The following ALDH9A1 variants were observed in gnomAD, a reference collection of about 807,000 sequenced individuals.
ALDH9A1 encodes the protein 4-trimethylaminobutyraldehyde dehydrogenase.
A neutral mutation model predicts 56.6 loss-of-function variants in ALDH9A1; 42 were observed. The ratio of observed to expected loss-of-function variants is 0.74; its 90% confidence interval spans 0.58 to 0.96. ALDH9A1 has a LOEUF of 0.96. Ranked by LOEUF, ALDH9A1 falls within the 40% of genes least tolerant of loss-of-function variation. The pLI, the probability that ALDH9A1 is intolerant of heterozygous loss-of-function variation, is 0.00. For missense variants in ALDH9A1, 661 were observed against 651.5 expected, an observed-to-expected ratio of 1.01 and a Z score of -0.16; for synonymous variants, 242 against 236.0, an observed-to-expected ratio of 1.03 and a Z score of -0.23.
At chr1:165,690,971 A>T (rs1210035933) in intron 2 of ALDH9A1, among the ~76,000 whole-genome samples, 2 of 152,236 alleles carry the variant, frequency 1.3e-5, no homozygotes, top group Admixed American at 6.5e-5. Flanking sequence ...AAACTTCTGC[A>T]GACTTAAACG....
intron 1 of ALDH9A1, 166 bp downstream of exon 1, chr1:165,698,212 G>A (rs1296331566): frequency 7.3e-7 from 1 of 1,366,162 alleles, no homozygotes; most frequent in East Asian, 3.0e-5. Flanking sequence ...GGAGGCACTC[G>A]CGTTGCCCCA....
chr1:165,675,808 A>AGGCC (rs1649338293), intron 6 of ALDH9A1, among the ~76,000 whole-genome samples: 2 of 152,244 alleles, frequency 1.3e-5, no homozygotes, highest in African/African-American at 4.8e-5. Context: ...GTAACTTTTG[A>AGGCC]ACACAGTATT....
At chr1:165,678,982 C>T (rs997016838) in intron 6 of ALDH9A1, among the ~76,000 whole-genome samples, 2 of 152,126 alleles carry the variant, frequency 1.3e-5, no homozygotes, top group African/African-American at 4.8e-5. Context: ...GAAAAAAAAC[C>T]ATTTTTGTTC....
chr1:165,667,401 A>G lies in ALDH9A1; in HGVS notation c.1257T>C (p.Pro419=), dbSNP rs1161454833. ...TGTCAAATGATAAAATGGACATAAC[A>G]GGCCCAAAGATCTCTTCCTTCACAC... ...MTCVKEEIFG[P]VMSILSFDTE... The change falls in exon 9 of 11, where the codon CCT becomes CCC. Residue 419 remains proline (P), a synonymous_variant. Coordinates refer to ENST00000354775, the MANE Select transcript of ALDH9A1 (RefSeq NM_000696.4). 1 of 1,614,012 alleles carries G rather than the reference A, an allele frequency of 6.2e-7. No individual in the cohort carries two copies. The highest frequency in any genetic ancestry group is 8.5e-7 in the Non-Finnish European group (1 of 1,180,008).
chr1:165,672,410 A>T (rs1649206016), intron 6 of ALDH9A1, among the ~76,000 whole-genome samples: 1 of 152,228 alleles, frequency 6.6e-6, no homozygotes, highest in Admixed American at 6.5e-5. Context: ...CAGACATAAA[A>T]TAATAAATAT....
chr1:165,678,104 C>T (rs11807866), intron 6 of ALDH9A1, among the ~76,000 whole-genome samples: 13,427 of 151,826 alleles, frequency 0.088, 659 homozygotes, highest in African/African-American at 0.15. Context: ...GGGAGGCCAA[C>T]GTGGGTGGAT....
chr1:165,673,178 G>A (rs995755905), intron 6 of ALDH9A1, among the ~76,000 whole-genome samples: 1 of 149,938 alleles, frequency 6.7e-6, no homozygotes. Context: ...ACATACAAAT[G>A]GCCAACAAGT....
At chr1:165,674,982 C>A (rs1452647347) in intron 6 of ALDH9A1, among the ~76,000 whole-genome samples, 1 of 152,130 alleles carries the variant, frequency 6.6e-6, no homozygotes, top group Non-Finnish European at 1.5e-5. Flanking sequence ...CGCCTGAGCT[C>A]AGGAGTTCAA....
chr1:165,676,989 A>G (rs1030804845), intron 6 of ALDH9A1, among the ~76,000 whole-genome samples: 2 of 152,186 alleles, frequency 1.3e-5, no homozygotes, highest in Non-Finnish European at 2.9e-5. Context: ...CAAATTACTC[A>G]ACTGGTTAGA....
rs1253030762 is a variant in ALDH9A1 at position 165,695,296 on chromosome 1, T to C, written c.283A>G (p.Met95Val). The stretch of plus-strand genomic sequence containing the variant: ...TCCAAAAGGATTCGGCAACGCTCCA[T>C]GCCAGATTTTTGACTCCATATTTTA... ...AFKIWSQKSG[M>V]ERCRILLEAA... The change falls in exon 2 of 11, where the codon ATG becomes GTG. Residue 95 changes from methionine to valine, a missense_variant. Physicochemically the swap from Met to Val is conservative, Grantham distance 21 (BLOSUM62 1). Transcript: ENST00000354775. The C allele has an allele frequency of 1.9e-6, 3 of 1,613,228 alleles. No individual in the cohort carries two copies. The highest frequency in any genetic ancestry group is 2.5e-6 in the Non-Finnish European group (3 of 1,179,664).
intron 6 of ALDH9A1, chr1:165,676,724 T>C (rs1218657854): frequency 2.0e-6 from 1 of 505,534 alleles, no homozygotes; most frequent in East Asian, 6.2e-5. Flanking sequence ...TCCCACTGTG[T>C]GAGAACCAAC....
In ALDH9A1 at chr1:165,680,263, T is replaced by G. The variant is rs569970608; in HGVS notation, c.789+224A>C. 1.3e-3 allele frequency among the ~76,000 whole-genome samples: 204 copies of G among 152,224 alleles called. 1 individual carries two copies. The highest frequency in any genetic ancestry group is 2.5e-3 in the Non-Finnish European group (170 of 68,008). On this transcript the variant is annotated intron_variant, in intron 5 of 10. Coordinates refer to ENST00000354775, the MANE Select transcript of ALDH9A1 (RefSeq NM_000696.4). The stretch of plus-strand genomic sequence containing the variant: ...CTCTCCTTAGGCTGGGGCTGTTAAT[T>G]TCCACCCCTACCTGGCCTAACACAA...
intron 2 of ALDH9A1, among the ~76,000 whole-genome samples, chr1:165,689,316 T>A (rs902927335): frequency 2.0e-5 from 3 of 152,152 alleles, no homozygotes; most frequent in Non-Finnish European, 4.4e-5. Context: ...AGAGACAGTA[T>A]CTCCCTAAAG....
chr1:165,694,486 TA>T (rs766643796), intron 2 of ALDH9A1, among the ~76,000 whole-genome samples: 3 of 144,374 alleles, frequency 2.1e-5, no homozygotes, highest in African/African-American at 7.5e-5. Context: ...ATTTATGATG[TA>T]AAAAAAAAGT....
At chr1:165,663,483 C>T (rs1230437308) in intron 10 of ALDH9A1, among the ~76,000 whole-genome samples, 1 of 152,196 alleles carries the variant, frequency 6.6e-6, no homozygotes, top group Non-Finnish European at 1.5e-5. Context: ...ATCAACCTGA[C>T]ACCCTTGAAA....
chr1:165,674,530 T>C (rs1459098204), intron 6 of ALDH9A1, among the ~76,000 whole-genome samples: 1 of 151,194 alleles, frequency 6.6e-6, no homozygotes, highest in Non-Finnish European at 1.5e-5. Context: ...CTACTAAAAA[T>C]ACAAAATTAG....
At chr1:165,674,902 TGGTGGCTCATGCCA>T (rs1649299800) in intron 6 of ALDH9A1, among the ~76,000 whole-genome samples, 1 of 151,604 alleles carries the variant, frequency 6.6e-6, no homozygotes, top group South Asian at 2.1e-4. Flanking sequence ...ACACTGGGCA[TGGTGGCTCATGCCA>T]GGCGTGGTGG....
intron 2 of ALDH9A1, among the ~76,000 whole-genome samples, chr1:165,686,792 T>C (rs1649722984): frequency 6.6e-6 from 1 of 152,162 alleles, no homozygotes; most frequent in African/African-American, 2.4e-5. Context: ...AGTGATTCAC[T>C]AGAGATCATA....
At chr1:165,668,828 C>T in intron 8 of ALDH9A1, 98 bp downstream of exon 8, 1 of 981,130 alleles carries the variant, frequency 1.0e-6, no homozygotes, top group South Asian at 1.6e-5. Flanking sequence ...AATTTGCCAG[C>T]CCTTGCTTTA....
Sources: allele counts gnomAD v4.1 joint callset (sites outside exome capture counted in the v4.1 genomes callset), GRCh38; gene constraint gnomAD v4.1.1; transcripts MANE v1.5; gene names NCBI Gene and HGNC (gene_info 2026-07-23, HGNC 2026-07-21).